Variants in GRIA4 observed in about 807,000 individuals in gnomAD.
GRIA4 encodes glutamate receptor 4.
Under a neutral mutation model 104.0 loss-of-function variants are expected in GRIA4, and 34 were observed. The observed-to-expected ratio is 0.33, with a 90% CI of 0.25 to 0.44. The LOEUF is 0.44. Among genes scored for constraint, GRIA4 ranks in the 20% least tolerant of loss-of-function variants. The pLI is 1.00. For missense variants in GRIA4, 750 were observed against 1,096.5 expected, an observed-to-expected ratio of 0.68 and a Z score of 4.46; for synonymous variants, 386 against 381.9, an observed-to-expected ratio of 1.01 and a Z score of -0.13.
intron 14 of GRIA4, among the ~76,000 whole-genome samples, chr11:105,966,341 T>G (rs374754668): frequency 6.6e-6 from 1 of 152,074 alleles, no homozygotes; most frequent in African/African-American, 2.4e-5. Context: ...TTTTGGAAAG[T>G]AGGAAGGGAT....
At chr11:105,691,693 T>C (rs961778282) in intron 3 of GRIA4, among the ~76,000 whole-genome samples, 1 of 151,992 alleles carries the variant, frequency 6.6e-6, no homozygotes, top group Admixed American at 6.6e-5. Context: ...TCCCAGCACT[T>C]TGAGAGGCCG....
At chr11:105,959,615 T>A (rs1458912471) in intron 14 of GRIA4, among the ~76,000 whole-genome samples, 1 of 152,216 alleles carries the variant, frequency 6.6e-6, no homozygotes, top group Non-Finnish European at 1.5e-5. Context: ...GTTCTCTATC[T>A]GATCTTCCAT....
chr11:105,691,354 A>G (rs549884666), intron 3 of GRIA4, among the ~76,000 whole-genome samples: 6 of 152,198 alleles, frequency 3.9e-5, no homozygotes, highest in Admixed American at 3.9e-4. Context: ...ATGAAGAAAT[A>G]AAATAACACA....
intron 7 of GRIA4, among the ~76,000 whole-genome samples, chr11:105,900,406 T>G (rs1409572440): frequency 3.9e-5 from 6 of 152,140 alleles, no homozygotes; most frequent in Non-Finnish European, 5.9e-5. Context: ...TCCTTTCTGA[T>G]GCTCCAGCCA....
intron 3 of GRIA4, among the ~76,000 whole-genome samples, chr11:105,722,778 C>A (rs919231971): frequency 1.3e-5 from 2 of 151,854 alleles, no homozygotes; most frequent in Non-Finnish European, 2.9e-5. Flanking sequence ...TACTCCATGT[C>A]CATTGTATTA....
intron 9 of GRIA4, among the ~76,000 whole-genome samples, chr11:105,908,337 A>C (rs1433914197): frequency 6.6e-6 from 1 of 152,186 alleles, no homozygotes; most frequent in East Asian, 1.9e-4. Context: ...TCTATAGGAA[A>C]AATATCCATT....
intron 4 of GRIA4, among the ~76,000 whole-genome samples, chr11:105,785,032 T>C (rs1267420801): frequency 3.3e-5 from 5 of 152,142 alleles, no homozygotes; most frequent in Non-Finnish European, 7.4e-5. Flanking sequence ...CCATGCAGCG[T>C]TCCAGCTACT....
At chr11:105,650,371 T>TCC (rs1951651200) in intron 3 of GRIA4, among the ~76,000 whole-genome samples, 1 of 152,036 alleles carries the variant, frequency 6.6e-6, no homozygotes, top group South Asian at 2.1e-4. Context: ...CAGTGGGAAT[T>TCC]CCCAGTATCT....
chr11:105,695,183 C>T (rs912638633), intron 3 of GRIA4, among the ~76,000 whole-genome samples: 1 of 152,202 alleles, frequency 6.6e-6, no homozygotes, highest in African/African-American at 2.4e-5. Context: ...AATATGTATT[C>T]TCAACTTGTG....
chr11:105,926,842 G>A lies in GRIA4; in HGVS notation c.1949G>A (p.Arg650Gln), dbSNP rs1366635703. 3 of 1,610,722 alleles carry A rather than the reference G, an allele frequency of 1.9e-6. No homozygotes were observed. Among genetic ancestry groups the A allele is most frequent in the Non-Finnish European group, 1.7e-6 (2 of 1,177,260 alleles). Residue 650 changes from arginine (R) to glutamine (Q), a missense_variant, in exon 13 of 17, where the codon CGA becomes CAA. Coordinates refer to ENST00000282499, the MANE Select transcript of GRIA4 (RefSeq NM_000829.4). ...CTCGCTGCTTTCCTGACGGTTGAGC[G>A]AATGGTCTCTCCCATAGAAAGTGCA... ...ANLAAFLTVERMVSPIESAED... is the reference protein window; with the variant it reads ...ANLAAFLTVEQMVSPIESAED...
At chr11:105,891,600 T>A (rs1316164331) in intron 6 of GRIA4, among the ~76,000 whole-genome samples, 1 of 152,130 alleles carries the variant, frequency 6.6e-6, no homozygotes, top group Non-Finnish European at 1.5e-5. Context: ...CTGTTATCTC[T>A]ATCAGGAGGT....
chr11:105,872,358 A>C, intron 5 of GRIA4, among the ~76,000 whole-genome samples: 1 of 152,138 alleles, frequency 6.6e-6, no homozygotes, highest in Non-Finnish European at 1.5e-5. Flanking sequence ...TAGGGTGAGA[A>C]CATCACATAT....
chr11:105,831,788 C>T (rs556254539), intron 4 of GRIA4, among the ~76,000 whole-genome samples: 4 of 152,126 alleles, frequency 2.6e-5, no homozygotes, highest in South Asian at 4.1e-4. Context: ...CAATGCTCAG[C>T]TCTGCAGGTT....
intron 4 of GRIA4, among the ~76,000 whole-genome samples, chr11:105,783,578 A>G (rs1280086733): frequency 6.6e-6 from 1 of 152,222 alleles, no homozygotes; most frequent in Non-Finnish European, 1.5e-5. Flanking sequence ...GAAACACTGC[A>G]AAGCTTCCTT....
At chr11:105,955,093 G>C (rs1281648218) in intron 14 of GRIA4, among the ~76,000 whole-genome samples, 1 of 151,876 alleles carries the variant, frequency 6.6e-6, no homozygotes, top group Non-Finnish European at 1.5e-5. Flanking sequence ...TAAAGCTTTT[G>C]TTGTATAAAG....
At chr11:105,772,082 C>T (rs193150199) in intron 4 of GRIA4, among the ~76,000 whole-genome samples, 7 of 152,220 alleles carry the variant, frequency 4.6e-5, no homozygotes, top group East Asian at 1.9e-4. Flanking sequence ...CTTGCTAATG[C>T]AGTGAGCTCA....
At chr11:105,766,300 C>A (rs1383541836) in intron 4 of GRIA4, among the ~76,000 whole-genome samples, 1 of 152,042 alleles carries the variant, frequency 6.6e-6, no homozygotes, top group East Asian at 1.9e-4. Flanking sequence ...AGAGATATGT[C>A]TATGAAGAAA....
Position 105,716,265 on chromosome 11 carries a change from T to C in GRIA4, c.248-36716T>C, listed in dbSNP as rs530804026. ...GGAACACATTTTAGCTACTATTAAATGTAAATTTTGCAATAACACAGAAGA... is the reference window on the plus strand; with the variant it reads ...GGAACACATTTTAGCTACTATTAAACGTAAATTTTGCAATAACACAGAAGA... On this transcript the variant is annotated intron_variant, in intron 3 of 16. Coordinates refer to ENST00000282499, the MANE Select transcript of GRIA4 (RefSeq NM_000829.4). Among the ~76,000 whole-genome samples the C allele has an allele frequency of 2.0e-5, 3 of 152,260 alleles. No homozygotes were observed. The East Asian group carries it at 5.8e-4, about 29-fold the overall frequency.
At chr11:105,761,186 G>A (rs905772653) in intron 4 of GRIA4, among the ~76,000 whole-genome samples, 3 of 151,930 alleles carry the variant, frequency 2.0e-5, no homozygotes, top group African/African-American at 7.3e-5. Flanking sequence ...CATCTTCCAG[G>A]GAAATTGAAC....
Sources: gnomAD v4.1 joint callset for allele counts (sites outside exome capture counted in the v4.1 genomes callset) on GRCh38, gnomAD v4.1.1 for gene constraint, MANE v1.5 for transcripts, NCBI Gene and HGNC (gene_info 2026-07-23, HGNC 2026-07-21) for gene names.